The following NAF1 variants were observed in gnomAD, a reference collection of about 807,000 sequenced individuals.
NAF1 encodes nuclear assembly factor 1 ribonucleoprotein.
Under a neutral mutation model 40.6 loss-of-function variants are expected in NAF1, and 11 were observed. The ratio of observed to expected loss-of-function variants is 0.27; its 90% CI spans 0.17 to 0.45. The LOEUF (loss-of-function observed/expected upper bound fraction) is 0.45. Among genes scored for constraint, NAF1 ranks in the 20% least tolerant of loss-of-function variants. NAF1 has a pLI of 1.00. For missense variants in NAF1, 607 were observed against 611.1 expected (o/e 0.99, Z 0.07); for synonymous variants, 260 against 228.5 (o/e 1.14, Z -1.24).
At chr4:163,159,972 C>T (rs1732150413) in intron 2 of NAF1, among the ~76,000 whole-genome samples, 1 of 152,062 alleles carries the variant, frequency 6.6e-6, no homozygotes, top group Non-Finnish European at 1.5e-5. Flanking sequence ...AAATTATAAT[C>T]CCAAATATTT....
At chr4:163,162,501 T>A (rs1732269209) in intron 2 of NAF1, among the ~76,000 whole-genome samples, 1 of 152,228 alleles carries the variant, frequency 6.6e-6, no homozygotes, top group Non-Finnish European at 1.5e-5. Context: ...CAACCCATCA[T>A]TCCAAGTTTG....
chr4:163,151,762 G>C (rs765535077), intron 2 of NAF1, among the ~76,000 whole-genome samples: 2 of 151,572 alleles, frequency 1.3e-5, no homozygotes, highest in Non-Finnish European at 2.9e-5. Flanking sequence ...GAACTATTTT[G>C]TCATATTAGT....
At chr4:163,143,188 C>G (rs1170683015) in intron 4 of NAF1, among the ~76,000 whole-genome samples, 1 of 152,118 alleles carries the variant, frequency 6.6e-6, no homozygotes, top group Non-Finnish European at 1.5e-5. Flanking sequence ...TATCCTTTCA[C>G]TTGGCTCTAG....
chr4:163,126,401 T>G (rs1579133184), downstream of NAF1, among the ~76,000 whole-genome samples: 1 of 152,160 alleles, frequency 6.6e-6, no homozygotes, highest in East Asian at 1.9e-4. Context: ...TTGAGGTGTT[T>G]AAGACTTCAC....
intron 3 of NAF1, among the ~76,000 whole-genome samples, chr4:163,146,818 T>A (rs1195968709): frequency 6.6e-6 from 1 of 152,198 alleles, no homozygotes; most frequent in Non-Finnish European, 1.5e-5. Flanking sequence ...AACAGTAGCA[T>A]GTGCTGATTT....
intron 6 of NAF1, chr4:163,136,013 C>G (rs528058298): frequency 6.6e-6 from 1 of 152,258 alleles, no homozygotes; most frequent in South Asian, 2.1e-4. Context: ...AATTCAGATA[C>G]TAAGCAAGGA....
intron 2 of NAF1, among the ~76,000 whole-genome samples, chr4:163,115,977 A>C (rs1180571430): frequency 2.6e-5 from 4 of 152,244 alleles, no homozygotes; most frequent in African/African-American, 9.6e-5. Context: ...TAATATCATC[A>C]TGACACTAAA....
chr4:163,166,643 C>A lies in NAF1; in HGVS notation c.85G>T (p.Ala29Ser), dbSNP rs529064752. ...ACAGGGGCAGAGCCCGGAGACGGAG[C>A]CGCCGGACCTTCCCCAACTCCAAAG... Reference protein sequence around the residue: ...TDFGVGEGPAAPSPGSAPVPG... With the variant: ...TDFGVGEGPASPSPGSAPVPG... The change falls in exon 1 of 8, where the codon GCT (alanine) becomes TCT (serine). Residue 29 changes from alanine (A) to serine (S), a missense_variant. Transcript: ENST00000274054. 6.2e-6 allele frequency: 10 copies of A among 1,612,844 alleles called. No individual in the cohort carries two copies. The highest frequency in any genetic ancestry group is 8.5e-6 in the Non-Finnish European group (10 of 1,179,826).
chr4:163,148,556 TTTAATG>T, intron 2 of NAF1, 122 bp from the exon 3 acceptor site: 1 of 632,808 alleles, frequency 1.6e-6, no homozygotes. Flanking sequence ...AGAGCATCTC[TTTAATG>T]TTATCATTTT....
intron 2 of NAF1, among the ~76,000 whole-genome samples, chr4:163,163,987 C>A (rs1191455723): frequency 6.6e-6 from 1 of 151,954 alleles, no homozygotes; most frequent in African/African-American, 2.4e-5. Context: ...GAAGTTGATG[C>A]CATAATCGGA....
rs1212420686 is a variant in NAF1, at chr4:163,166,704, G to A, written c.24C>T (p.Ala8=). The A allele has an allele frequency of 6.2e-7, 1 of 1,613,246 alleles. No individual in the cohort carries two copies. Among genetic ancestry groups the A allele is most frequent in the Admixed American group, 1.7e-5 (1 of 60,018 alleles). The change falls in exon 1 of 8, where the codon GCC becomes GCT. Residue 8 remains alanine (A), a synonymous_variant. Transcript: ENST00000274054. ...TGAATTTCAGAGTTTCCAGCTGAGCGGCGGCGGCCTCCACTACCTCCATCG... is the reference window on the plus strand; with the variant it reads ...TGAATTTCAGAGTTTCCAGCTGAGCAGCGGCGGCCTCCACTACCTCCATCG... MEVVEAA[A]AQLETLKFNG...
At chr4:163,137,683 G>C (rs571652477) in intron 5 of NAF1, among the ~76,000 whole-genome samples, 2 of 152,186 alleles carry the variant, frequency 1.3e-5, no homozygotes, top group Non-Finnish European at 2.9e-5. Flanking sequence ...TAATGGCAGA[G>C]ATATCAATAT....
intron 2 of NAF1, among the ~76,000 whole-genome samples, chr4:163,156,768 C>T (rs1732002533): frequency 6.6e-6 from 1 of 152,094 alleles, no homozygotes. Flanking sequence ...TTAATGCTAA[C>T]CTGAATACTC....
intron 2 of NAF1, among the ~76,000 whole-genome samples, chr4:163,117,680 T>TACACACAC (rs55869899): frequency 0.17 from 22,953 of 134,574 alleles, 2,230 homozygotes; most frequent in Non-Finnish European, 0.22. Context: ...CTGGAAGCAA[T>TACACACAC]ACACACACAC....
At chr4:163,127,730 A>G (rs1730708341), downstream of NAF1, among the ~76,000 whole-genome samples, 1 of 152,232 alleles carries the variant, frequency 6.6e-6, no homozygotes, top group Non-Finnish European at 1.5e-5. Context: ...GGAATGCTGC[A>G]AAGAGTCCCC....
At chr4:163,120,902 T>G (rs1395402915) in intron 2 of NAF1, among the ~76,000 whole-genome samples, 1 of 151,968 alleles carries the variant, frequency 6.6e-6, no homozygotes, top group Non-Finnish European at 1.5e-5. Context: ...GATTTATTTA[T>G]TTTTTTTGAG....
intron 2 of NAF1, among the ~76,000 whole-genome samples, chr4:163,163,668 T>C (rs781613874): frequency 2.0e-5 from 3 of 147,750 alleles, no homozygotes; most frequent in African/African-American, 2.6e-5. Context: ...TGCCAATAAA[T>C]ACCATTCTAC....
chr4:163,104,954 C>A, the NAF1 span, among the ~76,000 whole-genome samples: 1 of 152,190 alleles, frequency 6.6e-6, no homozygotes, highest in Non-Finnish European at 1.5e-5. Flanking sequence ...GAAAACCAAA[C>A]CAAAACAAAA....
At chr4:163,109,335 T>A (rs1027749739), downstream of NAF1, among the ~76,000 whole-genome samples, 19 of 152,110 alleles carry the variant, frequency 1.2e-4, no homozygotes, top group Non-Finnish European at 2.2e-4. Context: ...ATTTATACCA[T>A]AAATTCTCTC....
Sources: allele counts gnomAD v4.1 joint callset (sites outside exome capture counted in the v4.1 genomes callset), GRCh38; gene constraint gnomAD v4.1.1; transcripts MANE v1.5; gene names NCBI Gene and HGNC (gene_info 2026-07-23, HGNC 2026-07-21).